EXOC3L4: variants seen among roughly 807,000 people sequenced by gnomAD.
EXOC3L4 encodes exocyst complex component 3-like protein 4.
EXOC3L4 carries 62 observed loss-of-function variants against 69.7 expected under a neutral mutation model. That is an observed-to-expected ratio of 0.89 (90% CI 0.72 to 1.10). The LOEUF (loss-of-function observed/expected upper bound fraction) is 1.10. Among genes scored for constraint, EXOC3L4 ranks in the 50% least tolerant of loss-of-function variants. The pLI is 0.00. For synonymous variants in EXOC3L4, 502 were observed against 464.2 expected (o/e 1.08, Z -1.05); for missense variants, 1,087 against 1,034.8 (o/e 1.05, Z -0.69).
intron 11 of EXOC3L4, among the ~76,000 whole-genome samples, chr14:103,108,955 C>G (rs1890741527): frequency 3.3e-5 from 5 of 152,098 alleles, no homozygotes; most frequent in Admixed American, 3.3e-4. Context: ...GGATGTGGAG[C>G]TCACAGAAAG....
chr14:103,098,196 G>A (rs1005555913), intron 1 of EXOC3L4, among the ~76,000 whole-genome samples: 6 of 152,082 alleles, frequency 3.9e-5, no homozygotes, highest in African/African-American at 9.7e-5. Context: ...GAGATTCACC[G>A]CACAGCTGCC....
At chr14:103,100,990 C>T (rs1217856014) in intron 2 of EXOC3L4, among the ~76,000 whole-genome samples, 3 of 151,866 alleles carry the variant, frequency 2.0e-5, no homozygotes, top group Non-Finnish European at 2.9e-5. Flanking sequence ...GCAACCTCCA[C>T]CTCCCAGGTT....
chr14:103,104,964 C>T (rs757060596), intron 6 of EXOC3L4, 28 bp from the exon 7 acceptor site: 8 of 1,602,572 alleles, frequency 5.0e-6, no homozygotes. Flanking sequence ...AGGGAGGGTC[C>T]CCAAAGGCTC....
intron 1 of EXOC3L4, among the ~76,000 whole-genome samples, chr14:103,099,825 G>A (rs7151779): frequency 0.21 from 32,588 of 152,182 alleles, 3,642 homozygotes; most frequent in South Asian, 0.27. Flanking sequence ...GTGGCTGCTG[G>A]TCCTGCCCTC....
At position 103,104,825 on chromosome 14, in the gene EXOC3L4, C is replaced by T. The variant is rs1300114961; in HGVS notation, c.1372C>T (p.Leu458Phe). ...GCGAATCTGCACGCGGGCGCTCGGC[C>T]TCTTCGTGCCCAGGTGCGGACGCAT... The part of the protein sequence containing the change: ...TLRICTRALG[L>F]FVPRFEKAFL... Residue 458 changes from leucine (L) to phenylalanine (F), a missense_variant, in exon 6 of 12, where the codon CTC (leucine) becomes TTC (phenylalanine). By Grantham distance (22) the Leu-to-Phe change is conservative. Transcript: ENST00000688303. 2 of 1,506,542 alleles carry T rather than the reference C, an allele frequency of 1.3e-6. No homozygotes were observed. The highest frequency in any genetic ancestry group is 1.4e-5 in the African/African-American group (1 of 71,648). The allele number at this position is 1,506,542 out of a possible 1,614,324, so 93.3% of individuals were successfully genotyped here. A position where few individuals can be genotyped will look rare whatever the true frequency, so the allele number is the denominator to read the frequency against.
chr14:103,102,428 G>A lies in EXOC3L4; in HGVS notation c.705G>A (p.Leu235=). 2 of 1,517,232 alleles carry A rather than the reference G, an allele frequency of 1.3e-6. No homozygotes were observed. Among genetic ancestry groups the A allele is most frequent in the African/African-American group, 1.4e-5 (1 of 69,762 alleles). 94.0% of individuals were successfully genotyped at this position (1,517,232 alleles called of 1,614,324 possible). A position where few individuals can be genotyped will look rare whatever the true frequency, so the allele number is the denominator to read the frequency against. The change falls in exon 3 of 12, where the codon CTG becomes CTA. Residue 235 remains leucine (L), a synonymous_variant. Coordinates refer to ENST00000688303, the MANE Select transcript of EXOC3L4 (RefSeq NM_001077594.2). ...HPSPPDDGDF[L]RTPRRWRQHW... is the part of the protein sequence containing the mutation. The stretch of plus-strand genomic sequence containing the variant: ...CTCCCCCCGACGACGGCGACTTCCT[G>A]CGCACGCCGCGCCGCTGGCGCCAGC...
At chr14:103,104,187 C>G in intron 4 of EXOC3L4, 80 bp from the exon 5 acceptor site, 1 of 1,454,000 alleles carries the variant, frequency 6.9e-7, no homozygotes, top group Non-Finnish European at 9.1e-7. Flanking sequence ...GCTTGTGACC[C>G]GACAGGGCGG....
chr14:103,110,312 C>G lies in EXOC3L4; in HGVS notation c.*89C>G. ...GGAGCCCAGGGAGTCACTCTGGGCC[C>G]TGCCCCCAACTCTGACACTGCAGTT... is the stretch of plus-strand genomic sequence containing the variant. On this transcript the variant is annotated 3_prime_UTR_variant, in exon 12 of 12. Coordinates refer to ENST00000688303, the MANE Select transcript of EXOC3L4 (RefSeq NM_001077594.2). The G allele has an allele frequency of 6.4e-6, 9 of 1,410,942 alleles. No homozygotes were observed. The highest frequency in any genetic ancestry group is 8.7e-6 in the Non-Finnish European group (9 of 1,037,588). 87.4% of individuals were successfully genotyped at this position (1,410,942 alleles called of 1,614,324 possible).
At position 103,110,059 on chromosome 14, in the gene EXOC3L4, C is replaced by T. The variant is rs1386051978; in HGVS notation, c.2005C>T (p.Leu669=). 8 of 1,600,526 alleles carry T rather than the reference C, an allele frequency of 5.0e-6. No individual in the cohort carries two copies. The highest frequency in any genetic ancestry group is 1.3e-5 in the African/African-American group (1 of 74,982). ...GGACCACATACTGGCCATTCTGGCG[C>T]TGCGCCGACTGGGCCGCCAGCGGAA... ...RRDHILAILA[L]RRLGRQRNQH... is the part of the protein sequence containing the mutation. The change falls in exon 12 of 12, where the codon CTG becomes TTG. Residue 669 remains leucine, a synonymous_variant. Transcript: ENST00000688303.
At chr14:103,107,960 G>A (rs1566953175) in intron 10 of EXOC3L4, among the ~76,000 whole-genome samples, 177 bp downstream of exon 10, 1 of 152,138 alleles carries the variant, frequency 6.6e-6, no homozygotes, top group East Asian at 1.9e-4. Flanking sequence ...AGGTGGGAGG[G>A]CGGCACTTTG....
At chr14:103,096,401 C>CTTCTTTT (rs1889887611) in intron 1 of EXOC3L4, among the ~76,000 whole-genome samples, 1 of 131,912 alleles carries the variant, frequency 7.6e-6, no homozygotes, top group Non-Finnish European at 1.6e-5. Context: ...TGGCAAGATT[C>CTTCTTTT]TTTTTTTTTT....
rs899595892 is a variant in EXOC3L4, at chr14:103,106,889, G to A, written c.1571G>A (p.Arg524His). The stretch of plus-strand genomic sequence containing the variant: ...AAGCACTTGCTTCAGGGCTTGCAGC[G>A]TGAGTTGCAGGTGACTGTGATAGGC... ...FQKHLLQGLQ[R>H]ELQPLFRVVC... Residue 524 changes from arginine to histidine, a missense_variant, in exon 8 of 12, where the codon CGT becomes CAT. By Grantham distance (29) the Arg-to-His change is conservative (BLOSUM62 0). Coordinates refer to ENST00000688303, the MANE Select transcript of EXOC3L4 (RefSeq NM_001077594.2). The A allele has an allele frequency of 1.0e-5, 16 of 1,566,302 alleles. No individual in the cohort carries two copies. The highest frequency in any genetic ancestry group is 2.3e-5 in the East Asian group (1 of 43,254).
At position 103,107,665 on chromosome 14, in the gene EXOC3L4, G is replaced by A. The variant is rs1890645720; in HGVS notation, c.1736G>A (p.Arg579His). The A allele has an allele frequency of 4.5e-6, 7 of 1,569,550 alleles. No homozygotes were observed. Among genetic ancestry groups the A allele is most frequent in the East Asian group, 4.7e-5 (2 of 42,154 alleles). Residue 579 changes from arginine (R) to histidine (H), a missense_variant, in exon 10 of 12, where the codon CGC (arginine) becomes CAC (histidine). Physicochemically the swap from Arg to His is conservative, Grantham distance 29. Transcript: ENST00000688303. ...CAGGAGGTGCACCGGTTCGTGGTCC[G>A]CGAGTACCTGGCGCGGGCGCTGAGG... Reference protein sequence around the residue: ...TLQEVHRFVVREYLARALRPR... With the variant: ...TLQEVHRFVVHEYLARALRPR...
At chr14:103,098,359 C>T (rs74083810) in intron 1 of EXOC3L4, among the ~76,000 whole-genome samples, 2,433 of 151,766 alleles carry the variant, frequency 0.016, 64 homozygotes, top group African/African-American at 0.053. Flanking sequence ...TGGCAGGTCC[C>T]GCCTCTGCTC....
chr14:103,109,901 TG>T, intron 11 of EXOC3L4, 129 bp from the exon 12 acceptor site: 1 of 1,018,568 alleles, frequency 9.8e-7, no homozygotes, highest in Non-Finnish European at 1.4e-6. Context: ...TCAGTCAATC[TG>T]ACCTCCCTGA....
chr14:103,107,636 T>G lies in EXOC3L4; in HGVS notation c.1707T>G (p.Thr569=). 1 of 1,591,950 alleles carries G rather than the reference T, an allele frequency of 6.3e-7. No homozygotes were observed. The highest frequency in any genetic ancestry group is 1.3e-5 in the African/African-American group (1 of 74,616). Residue 569 remains threonine, a synonymous_variant, in exon 10 of 12, where the codon ACT becomes ACG. Transcript: ENST00000688303. ...CCTGACCCTGGGCCGCCCAGGAGAC[T>G]CTGCAGGAGGTGCACCGGTTCGTGG... ...QRVARPRAQE[T]LQEVHRFVVR... is the part of the protein sequence containing the mutation.
chr14:103,107,279 T>A lies in EXOC3L4; in HGVS notation c.1582-145T>A, dbSNP rs1039560273. On this transcript the variant is annotated intron_variant, in intron 8 of 11. Coordinates refer to ENST00000688303, the MANE Select transcript of EXOC3L4 (RefSeq NM_001077594.2). ...TGGGAGAGGCATTCTGGGAAAGGGCTCGTGACATAACCTGTGGCTAGGAGA... is the reference window on the plus strand; with the variant it reads ...TGGGAGAGGCATTCTGGGAAAGGGCACGTGACATAACCTGTGGCTAGGAGA... 8.5e-6 allele frequency: 11 copies of A among 1,297,416 alleles called. No individual in the cohort carries two copies. The Admixed American group carries it at 2.3e-4, about 27-fold the overall frequency. 80.4% of individuals were successfully genotyped at this position (1,297,416 alleles called of 1,614,324 possible).
chr14:103,108,907 G>A (rs1046373039), intron 11 of EXOC3L4, among the ~76,000 whole-genome samples: 1 of 152,148 alleles, frequency 6.6e-6, no homozygotes, highest in Admixed American at 6.5e-5. Context: ...GGAAATCCCA[G>A]CTCGAATCTC....
At chr14:103,103,841 G>T in intron 3 of EXOC3L4, 100 bp from the exon 4 acceptor site, 1 of 669,060 alleles carries the variant, frequency 1.5e-6, no homozygotes. Flanking sequence ...CAGATGCCCA[G>T]GTTCGGGATT....
Sources: allele counts gnomAD v4.1 joint callset (sites outside exome capture counted in the v4.1 genomes callset), GRCh38; gene constraint gnomAD v4.1.1; transcripts MANE v1.5; gene names NCBI Gene and HGNC (gene_info 2026-07-23, HGNC 2026-07-21).